The following NRG1 variants were observed in gnomAD, a reference collection of about 807,000 sequenced individuals.
NRG1 encodes the protein neuregulin 1.
Under a neutral mutation model 63.8 loss-of-function variants are expected in NRG1, and 18 were observed. That is an observed-to-expected ratio of 0.28 (90% CI 0.19 to 0.42). The LOEUF (loss-of-function observed/expected upper bound fraction) is 0.42, where lower values mean the gene tolerates loss of function less well. Ranked by LOEUF, NRG1 falls within the 10% of genes least tolerant of loss-of-function variation. The pLI is 1.00. For missense variants in NRG1, 762 were observed against 814.7 expected (o/e 0.94, Z 0.79); for synonymous variants, 302 against 301.3 (o/e 1.00, Z -0.02).
At chr8:32,404,425 A>G (rs552794862) in intron 1 of NRG1, among the ~76,000 whole-genome samples, 1 of 152,186 alleles carries the variant, frequency 6.6e-6, no homozygotes, top group South Asian at 2.1e-4. Flanking sequence ...TCGTGTCTTC[A>G]GTGCCTAGCA....
intron 1 of NRG1, among the ~76,000 whole-genome samples, chr8:31,784,240 T>A (rs1819968053): frequency 6.6e-6 from 1 of 152,230 alleles, no homozygotes; most frequent in Non-Finnish European, 1.5e-5. Context: ...ATAAACTTAC[T>A]GTCATCAAAT....
chr8:32,207,645 C>G (rs1844212006), intron 1 of NRG1, among the ~76,000 whole-genome samples: 1 of 152,070 alleles, frequency 6.6e-6, no homozygotes, highest in Non-Finnish European at 1.5e-5. Flanking sequence ...ATATGGGGAG[C>G]CTTCCTGTAG....
At chr8:32,600,669 CA>C (rs1179817474) in intron 2 of NRG1, among the ~76,000 whole-genome samples, 1 of 152,056 alleles carries the variant, frequency 6.6e-6, no homozygotes, top group East Asian at 1.9e-4. Context: ...AAAAGTAATG[CA>C]TGCTTATTAT....
intron 10 of NRG1, 129 bp from the exon 11 acceptor site, chr8:32,760,071 G>A (rs1291695549): frequency 2.0e-6 from 2 of 985,464 alleles, no homozygotes; most frequent in African/African-American, 1.6e-5. Flanking sequence ...GGAGACAAGT[G>A]ATGTTACAGT....
chr8:32,516,934 T>C (rs1005972974), intron 1 of NRG1, among the ~76,000 whole-genome samples: 2 of 152,092 alleles, frequency 1.3e-5, no homozygotes, highest in South Asian at 2.1e-4. Flanking sequence ...CTAGTGATGA[T>C]GAATTCTCTA....
intron 1 of NRG1, among the ~76,000 whole-genome samples, chr8:32,239,279 A>G (rs1379963130): frequency 8.4e-5 from 1 of 11,942 alleles, no homozygotes; most frequent in Non-Finnish European, 1.4e-4. Context: ...ATGAGCTTTA[A>G]AAAAAAAAAA....
intron 1 of NRG1, among the ~76,000 whole-genome samples, chr8:31,967,323 C>T (rs1248358596): frequency 6.6e-6 from 1 of 152,046 alleles, no homozygotes; most frequent in Non-Finnish European, 1.5e-5. Flanking sequence ...CTTCCTCCAT[C>T]TTTTTTATTC....
At chr8:31,710,904 T>C (rs1209515775) in intron 1 of NRG1, among the ~76,000 whole-genome samples, 1 of 152,140 alleles carries the variant, frequency 6.6e-6, no homozygotes, top group Non-Finnish European at 1.5e-5. Flanking sequence ...TTTAACAGTC[T>C]TTCATTATGT....
intron 1 of NRG1, among the ~76,000 whole-genome samples, chr8:31,882,381 A>G (rs531139019): frequency 3.3e-5 from 5 of 151,360 alleles, no homozygotes; most frequent in African/African-American, 1.2e-4. Context: ...ATTACTGCTC[A>G]TTGACAATAC....
intron 1 of NRG1, among the ~76,000 whole-genome samples, chr8:31,988,288 T>C (rs1810434860): frequency 6.6e-6 from 1 of 152,110 alleles, no homozygotes; most frequent in Non-Finnish European, 1.5e-5. Flanking sequence ...TTTTCAGAGT[T>C]CGACCATAAC....
chr8:31,772,980 A>C (rs1268851571), intron 1 of NRG1, among the ~76,000 whole-genome samples: 3 of 152,212 alleles, frequency 2.0e-5, no homozygotes, highest in Admixed American at 6.5e-5. Context: ...AGTTTTGCCC[A>C]AAAAGCAGCA....
At chr8:32,707,679 GCAAACA>G (rs1435858840) in intron 5 of NRG1, among the ~76,000 whole-genome samples, 1 of 151,718 alleles carries the variant, frequency 6.6e-6, no homozygotes, top group Non-Finnish European at 1.5e-5. Context: ...TGTGCACTCT[GCAAACA>G]CATAAATAAA....
intron 1 of NRG1, among the ~76,000 whole-genome samples, chr8:32,233,337 C>T (rs915716945): frequency 6.6e-6 from 1 of 151,654 alleles, no homozygotes; most frequent in African/African-American, 2.4e-5. Flanking sequence ...GTCTTGAACT[C>T]CTGGACACAA....
At chr8:32,645,242 C>T (rs1159054879) in intron 5 of NRG1, among the ~76,000 whole-genome samples, 2 of 152,116 alleles carry the variant, frequency 1.3e-5, no homozygotes, top group Non-Finnish European at 2.9e-5. Flanking sequence ...ATGTCCTTTG[C>T]TAGAATCTTT....
At chr8:32,721,296 A>G (rs1820565765) in intron 5 of NRG1, among the ~76,000 whole-genome samples, 1 of 152,212 alleles carries the variant, frequency 6.6e-6, no homozygotes, top group African/African-American at 2.4e-5. Context: ...TATATGTTTG[A>G]ACAATGCCAA....
chr8:32,353,392 T>C (rs887502745), intron 1 of NRG1, among the ~76,000 whole-genome samples: 1 of 151,732 alleles, frequency 6.6e-6, no homozygotes, highest in Non-Finnish European at 1.5e-5. Flanking sequence ...AAATTTACAA[T>C]TATAGAGCTA....
At position 32,654,140 on chromosome 8, in the gene NRG1, G is replaced by A. The variant is rs1414709324; in HGVS notation, c.502+37255G>A. Among the ~76,000 whole-genome samples the A allele has an allele frequency of 2.0e-5, 3 of 152,182 alleles. No individual in the cohort carries two copies. In the East Asian group the frequency reaches 5.8e-4, roughly 29 times the overall value. ...TGCCCAGTGTCACTACAACCAATCA[G>A]TAGCAGTGCTGAGACTAAAACTGAA... On this transcript the variant is annotated intron_variant, in intron 5 of 11. Coordinates refer to ENST00000356819, the Ensembl canonical transcript of NRG1.
intron 1 of NRG1, among the ~76,000 whole-genome samples, chr8:31,932,032 G>A (rs1834906394): frequency 6.6e-6 from 1 of 152,060 alleles, no homozygotes; most frequent in Non-Finnish European, 1.5e-5. Flanking sequence ...CAGCTGGATG[G>A]GTTATGAACC....
chr8:32,671,128 C>CT (rs59521980), intron 5 of NRG1, among the ~76,000 whole-genome samples: 2,275 of 134,284 alleles, frequency 0.017, 41 homozygotes, highest in African/African-American at 0.047. Context: ...TGTTCTTATG[C>CT]TTTTTTTTTT....
Sources: allele counts gnomAD v4.1 joint callset (sites outside exome capture counted in the v4.1 genomes callset), GRCh38; gene constraint gnomAD v4.1.1; transcripts MANE v1.5; gene names NCBI Gene and HGNC (gene_info 2026-07-23, HGNC 2026-07-21).